Variants in MTCL1 observed in about 807,000 individuals in gnomAD.
MTCL1 encodes the protein microtubule cross-linking factor 1.
A neutral mutation model predicts 141.4 loss-of-function variants in MTCL1; 79 were observed. That is an observed-to-expected ratio of 0.56 (90% CI 0.47 to 0.67). MTCL1 has a LOEUF of 0.67. Ranked by LOEUF, MTCL1 falls within the 30% of genes least tolerant of loss-of-function variation. MTCL1 has a pLI of 0.00. For missense variants in MTCL1, 2,177 were observed against 2,113.9 expected (o/e 1.03, Z -0.59); for synonymous variants, 914 against 875.8 (o/e 1.04, Z -0.77).
exon 15 of MTCL1, chr18:8,825,646 C>T: frequency 6.2e-7 from 1 of 1,613,920 alleles, no homozygotes. Flanking sequence ...AAGGTGCAGG[C>T]CAAGTTTGAA....
At position 8,775,771 on chromosome 18, in the gene MTCL1, G is replaced by A. The variant is rs556046458; in HGVS notation, c.358-2062G>A. Among the ~76,000 whole-genome samples the A allele has an allele frequency of 2.7e-4, 41 of 152,208 alleles. 1 individual carries two copies. In the Middle Eastern group the frequency reaches 0.01, roughly 38 times the overall value. On this transcript the variant is annotated intron_variant, in intron 4 of 16. Transcript: ENST00000359865. ...AGGAAATAAAGCCTTCTGCAGCTGG[G>A]GTTCCTTCCACCTTTGTTAGTCAGG...
intron 4 of MTCL1, among the ~76,000 whole-genome samples, chr18:8,753,677 A>T (rs1226592272): frequency 2.0e-5 from 3 of 152,174 alleles, no homozygotes; most frequent in African/African-American, 4.8e-5. Flanking sequence ...TAGCCATTTT[A>T]TAGTAAGCAA....
At chr18:8,726,691 C>A (rs2096217654) in intron 4 of MTCL1, among the ~76,000 whole-genome samples, 1 of 152,100 alleles carries the variant, frequency 6.6e-6, no homozygotes, top group Admixed American at 6.5e-5. Context: ...AACGTTCAGT[C>A]CATAATAAGG....
At chr18:8,784,324 C>T in exon 6 of MTCL1, 1 of 1,557,272 alleles carries the variant, frequency 6.4e-7, no homozygotes, top group Non-Finnish European at 8.7e-7. Flanking sequence ...GCCGCCTGCC[C>T]CAGCCCAAGC....
At chr18:8,823,256 C>A (rs1451067095) in intron 14 of MTCL1, among the ~76,000 whole-genome samples, 2 of 152,196 alleles carry the variant, frequency 1.3e-5, no homozygotes, top group African/African-American at 4.8e-5. Flanking sequence ...CCTCTGCTTT[C>A]TCTGTCTTTA....
chr18:8,825,900 C>A (rs1355710161), exon 15 of MTCL1: 28 of 1,612,248 alleles, frequency 1.7e-5, no homozygotes, highest in Non-Finnish European at 2.3e-5. Flanking sequence ...CCAGAAGGGG[C>A]TGCGGGCCGG....
At chr18:8,790,043 A>T (rs2143725667) in intron 7 of MTCL1, among the ~76,000 whole-genome samples, 1 of 152,390 alleles carries the variant, frequency 6.6e-6, no homozygotes, top group African/African-American at 2.4e-5. Flanking sequence ...AGGAGGATCT[A>T]AACCTGTCTG....
exon 17 of MTCL1, chr18:8,832,212 C>G (rs1191889332): frequency 1.1e-5 from 2 of 190,300 alleles, no homozygotes; most frequent in African/African-American, 4.8e-5. Flanking sequence ...CAGTTTATTT[C>G]CATGTTGAAT....
chr18:8,719,556 A>G (rs1319669769), intron 3 of MTCL1, among the ~76,000 whole-genome samples: 1 of 152,136 alleles, frequency 6.6e-6, no homozygotes, highest in African/African-American at 2.4e-5. Flanking sequence ...TTATGCATAG[A>G]GAATTTTTTT....
At chr18:8,718,059 T>C in intron 2 of MTCL1, 1 of 824,138 alleles carries the variant, frequency 1.2e-6, no homozygotes, top group Non-Finnish European at 1.6e-6. Context: ...GTACCTAGAT[T>C]ATGCCTTAGA....
chr18:8,720,397 C>T (rs542743809), exon 4 of MTCL1: 50 of 1,614,020 alleles, frequency 3.1e-5, no homozygotes, highest in South Asian at 6.6e-5. Flanking sequence ...AGGAAAAGCG[C>T]GCTAAAGCTG....
intron 15 of MTCL1, among the ~76,000 whole-genome samples, chr18:8,826,871 C>T (rs2077043759): frequency 6.6e-6 from 1 of 152,240 alleles, no homozygotes; most frequent in African/African-American, 2.4e-5. Context: ...CTTGATATTA[C>T]TCACAAATCA....
intron 14 of MTCL1, among the ~76,000 whole-genome samples, chr18:8,823,570 C>G (rs779733701): frequency 5.9e-5 from 9 of 152,380 alleles, no homozygotes; most frequent in Middle Eastern, 3.4e-3. Context: ...TACCATTGCC[C>G]TTCCTTTCCG....
rs146128961 is a variant in MTCL1, at chr18:8,780,987, C to T, written c.418-2543C>T. On this transcript the variant is annotated intron_variant, in intron 5 of 16. Coordinates refer to ENST00000359865, the Ensembl canonical transcript of MTCL1. ...TTTGAGACCAGCCTGGCCAACATAG[C>T]GAAACCTCATCTCTACCAAAAATAC... is the stretch of plus-strand genomic sequence containing the variant. Among the ~76,000 whole-genome samples, 52 of 151,872 alleles carry T rather than the reference C, an allele frequency of 3.4e-4. No homozygotes were observed. The East Asian group carries it at 9.5e-3, about 28-fold the overall frequency.
At chr18:8,751,231 T>C (rs1455608715) in intron 4 of MTCL1, among the ~76,000 whole-genome samples, 1 of 152,230 alleles carries the variant, frequency 6.6e-6, no homozygotes, top group Non-Finnish European at 1.5e-5. Context: ...TTATGTAGAA[T>C]TTTCGACATG....
At chr18:8,825,403 G>T (rs906337903) in exon 15 of MTCL1, 13 of 1,543,982 alleles carry the variant, frequency 8.4e-6, no homozygotes, top group Non-Finnish European at 1.1e-5. Flanking sequence ...ATCTGCTCCG[G>T]CCCTGGCGAG....
At chr18:8,746,411 G>A (rs531639030) in intron 4 of MTCL1, among the ~76,000 whole-genome samples, 19 of 152,216 alleles carry the variant, frequency 1.2e-4, no homozygotes, top group South Asian at 2.1e-4. Flanking sequence ...TTTTTTGTTC[G>A]GTTGTGAGGA....
At position 8,779,807 on chromosome 18, in the gene MTCL1, C is replaced by T. The variant is rs1294412757; in HGVS notation, c.417+1915C>T. On this transcript the variant is annotated intron_variant, in intron 5 of 16. Coordinates refer to ENST00000359865, the Ensembl canonical transcript of MTCL1. This position sits in a 1 kb window ranked among gnomAD's most constrained non-coding sequence, Gnocchi z 4.1. ...GCTGACAGCTTTTTTCTTTAAGGAA[C>T]GAGAAGACGTTTTGGACATTTTATC... Among the ~76,000 whole-genome samples, 1 of 152,080 alleles carries T rather than the reference C, an allele frequency of 6.6e-6. No homozygotes were observed. Among genetic ancestry groups the T allele is most frequent in the Admixed American group, 6.5e-5 (1 of 15,280 alleles).
chr18:8,768,248 G>A (rs149498342), intron 4 of MTCL1, among the ~76,000 whole-genome samples: 1 of 152,156 alleles, frequency 6.6e-6, no homozygotes, highest in East Asian at 1.9e-4. Flanking sequence ...GTATTTTTTG[G>A]TGCATTTGAA....
Sources: allele counts gnomAD v4.1 joint callset (sites outside exome capture counted in the v4.1 genomes callset), GRCh38; gene constraint gnomAD v4.1.1; non-coding constraint Gnocchi (gnomAD v3.1); transcripts MANE v1.5; gene names NCBI Gene and HGNC (gene_info 2026-07-23, HGNC 2026-07-21).